Variants in PLXNA4 observed in about 807,000 individuals in gnomAD.
PLXNA4 encodes plexin-A4.
Under a neutral mutation model 191.8 loss-of-function variants are expected in PLXNA4, and 44 were observed. That is an observed-to-expected ratio of 0.23 (90% CI 0.18 to 0.29). The LOEUF (loss-of-function observed/expected upper bound fraction) is 0.29, where lower values mean the gene tolerates loss of function less well. Ranked by LOEUF, PLXNA4 falls within the 10% of genes least tolerant of loss-of-function variation. The probability of loss-of-function intolerance (pLI) is 1.00; values close to 1 mark genes in which losing one functional copy is unlikely to be tolerated. For missense variants in PLXNA4, 1,800 were observed against 2,488.8 expected, an observed-to-expected ratio of 0.72 and a Z score of 5.89; for synonymous variants, 1,082 against 1,009.5, an observed-to-expected ratio of 1.07 and a Z score of -1.36.
intron 1 of PLXNA4, among the ~76,000 whole-genome samples, chr7:132,562,038 TCTTCC>T (rs1437255985): frequency 2.9e-5 from 3 of 104,928 alleles, no homozygotes; most frequent in Non-Finnish European, 4.3e-5. Flanking sequence ...CTTCTCCTCC[TCTTCC>T]TCCTCCTCTC....
At chr7:132,550,203 CT>C (rs1489497311) in intron 1 of PLXNA4, among the ~76,000 whole-genome samples, 1 of 152,156 alleles carries the variant, frequency 6.6e-6, no homozygotes. Context: ...CAGAGTACCC[CT>C]GACCCCCACA....
chr7:132,602,000 T>C (rs933326555), intron 2 of PLXNA4, among the ~76,000 whole-genome samples: 4 of 152,234 alleles, frequency 2.6e-5, no homozygotes, highest in African/African-American at 9.6e-5. Context: ...TTGCCTTTTC[T>C]AAATCAATGA....
chr7:132,432,732 T>C (rs927230652), intron 3 of PLXNA4, among the ~76,000 whole-genome samples: 1 of 152,134 alleles, frequency 6.6e-6, no homozygotes, highest in African/African-American at 2.4e-5. Flanking sequence ...CACTTTTGAA[T>C]AAAAGTGAAA....
rs143988461 is a variant in PLXNA4, at chr7:132,190,786, C to T, written c.2857-3179G>A. ...TGTGCTCCAGGGTCCCTGCCAAGGA[C>T]CACAGGATGGAAAATTGCTCTGGGC... On this transcript the variant is annotated intron_variant, in intron 14 of 31. Coordinates refer to ENST00000321063, the MANE Select transcript of PLXNA4 (RefSeq NM_020911.2). Among the ~76,000 whole-genome samples the T allele has an allele frequency of 3.3e-3, 500 of 152,228 alleles. 2 individuals are homozygous for T. The highest frequency in any genetic ancestry group is 0.012 in the African/African-American group (482 of 41,538).
At chr7:132,151,426 GGAGGAAGGAGGAGGAGGAGGAAGAA>G (rs1562885181) in intron 25 of PLXNA4, among the ~76,000 whole-genome samples, 13 of 79,006 alleles carry the variant, frequency 1.6e-4, no homozygotes, top group East Asian at 6.6e-4. Context: ...AGGAGGAGGA[GGAGGAAGGAGGAGGAGGAGGAAGAA>G]GAAGGAGGAG....
intron 3 of PLXNA4, among the ~76,000 whole-genome samples, chr7:132,305,207 C>T (rs1267073934): frequency 6.6e-6 from 1 of 152,136 alleles, no homozygotes; most frequent in Non-Finnish European, 1.5e-5. Context: ...CAGCAACTGA[C>T]TAACAATTGC....
intron 3 of PLXNA4, among the ~76,000 whole-genome samples, chr7:132,439,776 A>G (rs1795618798): frequency 6.6e-6 from 1 of 152,122 alleles, no homozygotes; most frequent in Non-Finnish European, 1.5e-5. Flanking sequence ...CCCTTTCCCT[A>G]AAGGCCCTAG....
chr7:132,508,337 G>A lies in PLXNA4; in HGVS notation c.357C>T (p.Leu119=), dbSNP rs1798568567. 6.2e-7 allele frequency: 1 copy of A among 1,614,190 alleles called. No individual in the cohort carries two copies. Among genetic ancestry groups the A allele is most frequent in the Non-Finnish European group, 8.5e-7 (1 of 1,180,048 alleles). Residue 119 remains leucine (L), a synonymous_variant, in exon 2 of 32, where the codon CTC becomes CTT. Coordinates refer to ENST00000321063, the MANE Select transcript of PLXNA4 (RefSeq NM_020911.2). This position sits in a 1 kb window ranked among gnomAD's most constrained non-coding sequence, Gnocchi z 4.4. ...TTTNNVNKML[L]IDYKENRLIA... ...TCAGCCTGTTCTCCTTGTAGTCTAT[G>A]AGGAGCATCTTGTTGACATTGTTGG...
rs1251919439 is a variant in PLXNA4, at chr7:132,241,155, G to C, written c.1515C>G (p.Val505=). 6 of 1,611,754 alleles carry C rather than the reference G, an allele frequency of 3.7e-6. No individual in the cohort carries two copies. The highest frequency in any genetic ancestry group is 5.1e-6 in the Non-Finnish European group (6 of 1,178,488). ...YIMSERQLTR[V]PVESCGQYQS... ...GATACTGACCACAGGACTCCACAGG[G>C]ACTCTGGTGAGCTAGGACAGCAGGA... The change falls in exon 5 of 32, where the codon GTC becomes GTG. Residue 505 remains valine (V), a synonymous_variant. Transcript: ENST00000321063.
chr7:132,212,637 C>T (rs1797839756), intron 9 of PLXNA4, among the ~76,000 whole-genome samples: 1 of 152,052 alleles, frequency 6.6e-6, no homozygotes, highest in African/African-American at 2.4e-5. Flanking sequence ...TTCTGATCAT[C>T]CAACCAGAAA....
chr7:132,463,415 CCTTA>C (rs1371289098), intron 3 of PLXNA4, among the ~76,000 whole-genome samples: 1 of 152,118 alleles, frequency 6.6e-6, no homozygotes, highest in Non-Finnish European at 1.5e-5. Context: ...TTTCCAGAGC[CCTTA>C]CTGTGTGCTT....
At chr7:132,479,445 G>A (rs1797254636) in intron 3 of PLXNA4, among the ~76,000 whole-genome samples, 1 of 152,110 alleles carries the variant, frequency 6.6e-6, no homozygotes, top group Non-Finnish European at 1.5e-5. Context: ...GGACTCAAAA[G>A]GGAAACCCAG....
Position 132,223,742 on chromosome 7 carries a change from AG to A in PLXNA4, c.1983-102del, listed in dbSNP as rs1313205153. The A allele has an allele frequency of 2.4e-5, 21 of 875,140 alleles. No individual in the cohort carries two copies. The African/African-American group carries it at 2.7e-4, about 11-fold the overall frequency. The allele number at this position is 875,140 out of a possible 1,614,324, so 54.2% of individuals were successfully genotyped here. Reference sequence around the variant, plus strand: ...CTAGCAAAACATTTTTAGTATTAAGAGAAACCACCGTTGAATGTGCAGGAAG... The same window carrying A: ...CTAGCAAAACATTTTTAGTATTAAGAAAACCACCGTTGAATGTGCAGGAAG... On this transcript the variant is annotated intron_variant, in intron 8 of 31. Transcript: ENST00000321063.
intron 24 of PLXNA4, 114 bp from the exon 25 acceptor site, chr7:132,159,746 G>A (rs1584777174): frequency 6.6e-7 from 1 of 1,521,924 alleles, no homozygotes; most frequent in East Asian, 2.3e-5. Context: ...TCCAGGATGG[G>A]CTAGGGAGGA....
chr7:132,484,634 T>G (rs1228589340), intron 3 of PLXNA4: 9 of 1,056,626 alleles, frequency 8.5e-6, no homozygotes, highest in Non-Finnish European at 1.1e-5. Flanking sequence ...ACAACAGAAC[T>G]ACCTGACCGA....
At position 132,508,617 on chromosome 7, in the gene PLXNA4, A is replaced by C. The variant is rs1453456539; in HGVS notation, c.77T>G (p.Leu26Arg). Residue 26 changes from leucine to arginine, a missense_variant, in exon 2 of 32, where the codon CTC (leucine) becomes CGC (arginine). This residue lies in a region of PLXNA4 where 1,397 missense variants were observed against 1,880.4 expected (regional missense o/e 0.74). Transcript: ENST00000321063. The surrounding 1 kb of genome is among the most constrained non-coding windows in gnomAD (Gnocchi z 4.4). ...GGACAGCGGGGCTGGCTGCCGGGTG[A>C]GCAAAGTGGAGGAGCCCATGCCCAC... ...LMVGMGSSTL[L>R]TRQPAPLSQK... 6.2e-7 allele frequency: 1 copy of C among 1,610,202 alleles called. No homozygotes were observed. The highest frequency in any genetic ancestry group is 8.5e-7 in the Non-Finnish European group (1 of 1,177,962).
At chr7:132,532,994 A>C (rs1482350782) in intron 1 of PLXNA4, among the ~76,000 whole-genome samples, 1 of 152,252 alleles carries the variant, frequency 6.6e-6, no homozygotes, top group African/African-American at 2.4e-5. Flanking sequence ...TAAGTAGAGC[A>C]ATCAGTGGAA....
At chr7:132,648,186 CTG>C (rs917021166) in intron 1 of PLXNA4, among the ~76,000 whole-genome samples, 3 of 152,288 alleles carry the variant, frequency 2.0e-5, no homozygotes, top group East Asian at 1.9e-4. Context: ...CTCATGTACA[CTG>C]TGTCACACAC....
At chr7:132,523,504 A>G (rs1050309283) in intron 1 of PLXNA4, among the ~76,000 whole-genome samples, 8 of 152,230 alleles carry the variant, frequency 5.3e-5, no homozygotes, top group Non-Finnish European at 1.2e-4. Flanking sequence ...GGCCCAGAAG[A>G]GCACGGAAGG....
Sources: gnomAD v4.1 joint callset for allele counts (sites outside exome capture counted in the v4.1 genomes callset) on GRCh38, gnomAD v4.1.1 for gene constraint, gnomAD v4.1.1 regional missense constraint, Gnocchi (gnomAD v3.1) non-coding constraint, MANE v1.5 for transcripts, NCBI Gene and HGNC (gene_info 2026-07-23, HGNC 2026-07-21) for gene names.